ROBO2: variants seen among roughly 807,000 people sequenced by gnomAD.
ROBO2 encodes roundabout guidance receptor 2.
A neutral mutation model predicts 160.8 loss-of-function variants in ROBO2; 53 were observed. That is an observed-to-expected ratio of 0.33 (90% CI 0.26 to 0.41). The LOEUF is 0.41. Among genes scored for constraint, ROBO2 ranks in the 10% least tolerant of loss-of-function variants. The pLI is 1.00. For missense variants in ROBO2, 1,577 were observed against 1,722.4 expected, an observed-to-expected ratio of 0.92 and a Z score of 1.49; for synonymous variants, 664 against 611.7, an observed-to-expected ratio of 1.09 and a Z score of -1.26.
At chr3:76,657,590 AT>A (rs1265739731) in intron 2 of ROBO2, among the ~76,000 whole-genome samples, 1 of 147,144 alleles carries the variant, frequency 6.8e-6, no homozygotes, top group Admixed American at 6.8e-5. Flanking sequence ...TCTAAAAAAA[AT>A]ATATATATGT....
chr3:77,631,223 C>T (rs2095155555), intron 23 of ROBO2: 1 of 152,050 alleles, frequency 6.6e-6, no homozygotes, highest in African/African-American at 2.4e-5. Context: ...CTTTTAACTT[C>T]TCCGATCATT....
intron 2 of ROBO2, among the ~76,000 whole-genome samples, chr3:76,600,734 A>G (rs2087078033): frequency 6.6e-6 from 1 of 152,188 alleles, no homozygotes; most frequent in South Asian, 2.1e-4. Context: ...GGGTGGGGAC[A>G]CAGACAAACC....
chr3:77,607,694 C>G (rs2094551620), intron 20 of ROBO2, 104 bp from the exon 22 acceptor site: 1 of 1,005,318 alleles, frequency 9.9e-7, no homozygotes, highest in Admixed American at 1.8e-5. Context: ...ACAACTCCAA[C>G]ATACTGATTC....
At chr3:77,602,385 A>G in exon 20 of ROBO2, 1 of 1,614,098 alleles carries the variant, frequency 6.2e-7, no homozygotes, top group South Asian at 1.1e-5. Context: ...GCATACATGA[A>G]TTGGCTGTCG....
intron 2 of ROBO2, among the ~76,000 whole-genome samples, chr3:76,394,591 T>G (rs1281203968): frequency 1.3e-5 from 2 of 152,058 alleles, no homozygotes; most frequent in Non-Finnish European, 2.9e-5. Context: ...ATCTGACAAT[T>G]ATGTGTCTTG....
chr3:76,650,259 CAAT>C (rs2091191156), intron 2 of ROBO2, among the ~76,000 whole-genome samples: 1 of 152,128 alleles, frequency 6.6e-6, no homozygotes, highest in Non-Finnish European at 1.5e-5. Flanking sequence ...TACACTAATA[CAAT>C]GACCGCCTGT....
chr3:76,139,112 A>C (rs2071539254), intron 2 of ROBO2, among the ~76,000 whole-genome samples: 1 of 152,136 alleles, frequency 6.6e-6, no homozygotes, highest in Admixed American at 6.6e-5. Context: ...CGTGTACTTA[A>C]ATGATAACAA....
chr3:77,387,964 A>G (rs1248363140), intron 2 of ROBO2, among the ~76,000 whole-genome samples: 3 of 152,068 alleles, frequency 2.0e-5, no homozygotes, highest in South Asian at 2.1e-4. Context: ...TCTTTTAGGC[A>G]TTGTCCTTAA....
chr3:75,940,709 A>G (rs921800644), intron 2 of ROBO2, among the ~76,000 whole-genome samples: 23 of 152,178 alleles, frequency 1.5e-4, no homozygotes, highest in African/African-American at 5.3e-4. Flanking sequence ...CTTTTTGGTA[A>G]CTATTACAAT....
intron 2 of ROBO2, among the ~76,000 whole-genome samples, chr3:76,177,950 T>C (rs2073288599): frequency 6.6e-6 from 1 of 152,156 alleles, no homozygotes; most frequent in South Asian, 2.1e-4. Context: ...ATTTCTACTT[T>C]GTTGTGCTAC....
At chr3:76,034,909 C>T (rs1288232381) in intron 2 of ROBO2, among the ~76,000 whole-genome samples, 2 of 152,072 alleles carry the variant, frequency 1.3e-5, no homozygotes, top group African/African-American at 2.4e-5. Context: ...GCTAGTTCAG[C>T]GCTCTCTGTT....
At chr3:77,472,137 G>A (rs184538558) in intron 2 of ROBO2, among the ~76,000 whole-genome samples, 2 of 152,134 alleles carry the variant, frequency 1.3e-5, no homozygotes, top group Non-Finnish European at 2.9e-5. Context: ...GCAAAAACAT[G>A]AAGGTCACAA....
chr3:76,589,446 G>GC (rs2086272130), intron 2 of ROBO2, among the ~76,000 whole-genome samples: 1 of 152,026 alleles, frequency 6.6e-6, no homozygotes, highest in Admixed American at 6.6e-5. Context: ...GACTACAGGC[G>GC]CCGCCACCAC....
intron 1 of ROBO2, among the ~76,000 whole-genome samples, chr3:77,058,635 T>C (rs191775153): frequency 2.8e-3 from 424 of 152,158 alleles, no homozygotes; most frequent in African/African-American, 7.7e-3. Flanking sequence ...TGGGCTCAGG[T>C]GGTCCTCTCA....
intron 2 of ROBO2, among the ~76,000 whole-genome samples, chr3:76,656,453 A>G (rs796719786): frequency 4.6e-5 from 7 of 152,236 alleles, no homozygotes; most frequent in African/African-American, 1.4e-4. Flanking sequence ...CAACAAGCAC[A>G]TTACCTGCAC....
At chr3:76,622,287 A>G (rs571553772) in intron 2 of ROBO2, among the ~76,000 whole-genome samples, 3,141 of 57,680 alleles carry the variant, frequency 0.054, 479 homozygotes, top group African/African-American at 0.058. Context: ...AGAAAGAAAG[A>G]AAGAAAGAAA....
At chr3:76,119,201 A>G (rs1342738671) in intron 2 of ROBO2, among the ~76,000 whole-genome samples, 1 of 152,162 alleles carries the variant, frequency 6.6e-6, no homozygotes, top group Non-Finnish European at 1.5e-5. Flanking sequence ...TTGCTTTTCT[A>G]AAGTAATAGA....
intron 2 of ROBO2, among the ~76,000 whole-genome samples, chr3:77,149,155 C>T (rs957620710): frequency 1.3e-5 from 2 of 151,600 alleles, no homozygotes; most frequent in African/African-American, 4.8e-5. Context: ...CCTGCCTAGC[C>T]TCCTGAGTAG....
chr3:77,370,229 T>C (rs546081818), intron 2 of ROBO2, among the ~76,000 whole-genome samples: 11 of 152,326 alleles, frequency 7.2e-5, no homozygotes, highest in Admixed American at 2.0e-4. Flanking sequence ...GATAAGTGCT[T>C]TGCTCTCCTT....
Sources: allele counts gnomAD v4.1 joint callset (sites outside exome capture counted in the v4.1 genomes callset), GRCh38; gene constraint gnomAD v4.1.1; transcripts MANE v1.5; gene names NCBI Gene and HGNC (gene_info 2026-07-23, HGNC 2026-07-21).